The following ZNF292 variants were observed in gnomAD, a reference collection of about 807,000 sequenced individuals.
The protein encoded by ZNF292 is zinc finger protein 292, also known as 16 zinc-finger domain protein.
A neutral mutation model predicts 217.9 loss-of-function variants in ZNF292; 26 were observed. The ratio of observed to expected loss-of-function variants is 0.12; its 90% CI spans 0.09 to 0.17. ZNF292 has a LOEUF of 0.17. Ranked by LOEUF, ZNF292 falls within the 10% of genes least tolerant of loss-of-function variation. The probability of loss-of-function intolerance (pLI) is 1.00; values close to 1 mark genes in which losing one functional copy is unlikely to be tolerated. For synonymous variants in ZNF292, 1,257 were observed against 1,124.1 expected, an observed-to-expected ratio of 1.12 and a Z score of -2.37; for missense variants, 2,904 against 3,175.2, an observed-to-expected ratio of 0.91 and a Z score of 2.05.
Position 87,243,469 on chromosome 6 carries a change from C to A in ZNF292, c.742-6C>A. On this transcript the variant is annotated splice_polypyrimidine_tract_variant and splice_region_variant and intron_variant, in intron 5 of 7. Coordinates refer to ENST00000369577, the MANE Select transcript of ZNF292 (RefSeq NM_015021.3). The stretch of plus-strand genomic sequence containing the variant: ...TGTGGCATATTTCTATTGGCTTTTT[C>A]TTTAGATTTCAGAAGTTGATTGCAA... 1 of 1,538,566 alleles carries A rather than the reference C, an allele frequency of 6.5e-7. No individual in the cohort carries two copies. Among genetic ancestry groups the A allele is most frequent in the Non-Finnish European group, 8.7e-7 (1 of 1,143,394 alleles).
At chr6:87,230,733 T>TAA (rs35005215) in intron 4 of ZNF292, among the ~76,000 whole-genome samples, 43 of 137,522 alleles carry the variant, frequency 3.1e-4, no homozygotes, top group African/African-American at 7.7e-4. Context: ...GACTCCGTCT[T>TAA]AAAAAAAAAA....
intron 6 of ZNF292, among the ~76,000 whole-genome samples, chr6:87,244,265 G>C (rs1206376546): frequency 1.3e-5 from 2 of 152,196 alleles, no homozygotes. Flanking sequence ...GCTTATAAAG[G>C]ATTTCTGAGC....
In ZNF292 at chr6:87,259,693, G is replaced by C. The variant is rs149892183; in HGVS notation, c.6064G>C (p.Ala2022Pro). 68 of 1,599,590 alleles carry C rather than the reference G, an allele frequency of 4.3e-5. No homozygotes were observed. In the East Asian group the frequency reaches 1.5e-3, roughly 36 times the overall value. The part of the protein sequence containing the change: ...TEENKKESQP[A>P]LELRAETQNT... ...GGAAAATAAAAAGGAATCTCAGCCT[G>C]CTTTAGAATTGAGAGCAGAGACCCA... The change falls in exon 8 of 8, where the codon GCT becomes CCT. Residue 2022 changes from alanine to proline, a missense_variant. Ala to Pro is a conservative substitution (Grantham distance 27). This residue lies in a region of ZNF292 where 261 missense variants were observed against 272.8 expected (regional missense o/e 0.96). Coordinates refer to ENST00000369577, the MANE Select transcript of ZNF292 (RefSeq NM_015021.3).
At chr6:87,177,974 G>C (rs1362205129) in intron 1 of ZNF292, among the ~76,000 whole-genome samples, 1 of 152,118 alleles carries the variant, frequency 6.6e-6, no homozygotes, top group Non-Finnish European at 1.5e-5. Flanking sequence ...TTTGTAGTCT[G>C]TTCTTATACT....
chr6:87,262,945 A>ATATGTTTAT lies in ZNF292; in HGVS notation c.*1144_*1145insTATGTTTAT, dbSNP rs1775675696. 3 of 152,034 alleles carry ATATGTTTAT rather than the reference A, an allele frequency of 2.0e-5. No homozygotes were observed. Among genetic ancestry groups the ATATGTTTAT allele is most frequent in the African/African-American group, 7.2e-5 (3 of 41,430 alleles). 9.4% of individuals were successfully genotyped at this position (152,034 alleles called of 1,614,324 possible). A position where few individuals can be genotyped will look rare whatever the true frequency, so the allele number is the denominator to read the frequency against. On this transcript the variant is annotated 3_prime_UTR_variant, in exon 8 of 8. Transcript: ENST00000369577. The stretch of plus-strand genomic sequence containing the variant: ...ACAAGAGTCCTTAACATTTATAATT[A>ATATGTTTAT]CATAGATAAAACACTTTCTATAAGG...
intron 1 of ZNF292, among the ~76,000 whole-genome samples, chr6:87,159,934 G>A (rs774437801): frequency 6.6e-6 from 1 of 152,166 alleles, no homozygotes; most frequent in Admixed American, 6.5e-5. Flanking sequence ...AGAATAACCA[G>A]AAGTAATTTC....
Position 87,259,539 on chromosome 6 carries a change from G to C in ZNF292, c.5910G>C (p.Leu1970Phe), listed in dbSNP as rs1416766758. Residue 1970 changes from leucine to phenylalanine, a missense_variant, in exon 8 of 8, where the codon TTG becomes TTC. By Grantham distance (22) the Leu-to-Phe change is conservative (BLOSUM62 0). Around this residue, in one of 15 missense-constraint regions of ZNF292, gnomAD observed 50 missense variants for 90.5 expected, o/e 0.55. Coordinates refer to ENST00000369577, the MANE Select transcript of ZNF292 (RefSeq NM_015021.3). ...RNSNLRAHCQ[L>F]VHHFTTEEMV... ...CTAACCTCCGGGCACACTGTCAGTT[G>C]GTGCATCATTTTACAACTGAAGAAA... 11 of 1,584,570 alleles carry C rather than the reference G, an allele frequency of 6.9e-6. No homozygotes were observed. The highest frequency in any genetic ancestry group is 9.4e-6 in the Non-Finnish European group (11 of 1,164,338).
chr6:87,185,458 G>A (rs902526929), intron 1 of ZNF292, among the ~76,000 whole-genome samples: 1 of 152,180 alleles, frequency 6.6e-6, no homozygotes, highest in Non-Finnish European at 1.5e-5. Flanking sequence ...TGTACCATTT[G>A]TATTCTAGAA....
At chr6:87,225,621 A>G (rs1773307775) in intron 4 of ZNF292, among the ~76,000 whole-genome samples, 1 of 152,074 alleles carries the variant, frequency 6.6e-6, no homozygotes. Context: ...AACAATCACA[A>G]CCCATCTTTT....
Position 87,261,298 on chromosome 6 carries a change from G to A in ZNF292, c.7669G>A (p.Glu2557Lys), listed in dbSNP as rs1445696904. ...AAAAGCTGAACCAGCATCAGCAGCT[G>A]AGTTAAGTAGCGTGCGTAAAGAAGA... ...VEKAEPASAA[E>K]LSSVRKEEET... Residue 2557 changes from glutamate to lysine, a missense_variant, in exon 8 of 8, where the codon GAG becomes AAG. Transcript: ENST00000369577. The A allele has an allele frequency of 6.2e-7, 1 of 1,613,348 alleles. No homozygotes were observed. The highest frequency in any genetic ancestry group is 1.7e-5 in the Admixed American group (1 of 59,918).
Position 87,260,023 on chromosome 6 carries a change from A to C in ZNF292, c.6394A>C (p.Ile2132Leu), listed in dbSNP as rs781472184. The change falls in exon 8 of 8, where the codon ATT becomes CTT. Residue 2132 changes from isoleucine to leucine, a missense_variant. Coordinates refer to ENST00000369577, the MANE Select transcript of ZNF292 (RefSeq NM_015021.3). ...FAAFTIQQNL[I>L]LHYQAVHKSD... The stretch of plus-strand genomic sequence containing the variant: ...TGCCTTTACGATACAGCAAAACTTG[A>C]TTCTCCATTACCAGGCTGTACACAA... 2 of 1,613,622 alleles carry C rather than the reference A, an allele frequency of 1.2e-6. No individual in the cohort carries two copies. The highest frequency in any genetic ancestry group is 2.2e-5 in the East Asian group (1 of 44,882).
intron 1 of ZNF292, among the ~76,000 whole-genome samples, chr6:87,160,970 A>AT (rs951688103): frequency 9.5e-4 from 141 of 148,000 alleles, no homozygotes; most frequent in African/African-American, 1.8e-3. Flanking sequence ...TATCTAGAAG[A>AT]TTTTTTTTTT....
chr6:87,168,618 C>A (rs958791591), intron 1 of ZNF292, among the ~76,000 whole-genome samples: 16 of 152,040 alleles, frequency 1.1e-4, no homozygotes, highest in African/African-American at 3.6e-4. Flanking sequence ...TACAGGTGCG[C>A]ACCTCTGTGC....
chr6:87,237,408 A>AT (rs1773957114), intron 5 of ZNF292, among the ~76,000 whole-genome samples: 1 of 151,982 alleles, frequency 6.6e-6, no homozygotes, highest in Admixed American at 6.6e-5. Context: ...TGCCTGGCTA[A>AT]TTTTTTGTAT....
intron 5 of ZNF292, among the ~76,000 whole-genome samples, chr6:87,241,158 C>T (rs1477456334): frequency 6.6e-6 from 1 of 152,134 alleles, no homozygotes; most frequent in Non-Finnish European, 1.5e-5. Flanking sequence ...GTGGCACGCA[C>T]CTGTAGTCTC....
chr6:87,215,197 T>TA (rs1772682793), intron 1 of ZNF292: 2 of 151,922 alleles, frequency 1.3e-5, no homozygotes, highest in East Asian at 3.9e-4. Context: ...TTATCTCCCA[T>TA]CTCTTATTCA....
chr6:87,169,416 C>A (rs1771025689), intron 1 of ZNF292, among the ~76,000 whole-genome samples: 1 of 151,924 alleles, frequency 6.6e-6, no homozygotes, highest in South Asian at 2.1e-4. Context: ...ATACTGAAGG[C>A]CCCCTGTAAT....
rs746174390 is a variant in ZNF292 at position 87,257,066 on chromosome 6, A to G, written c.3437A>G (p.Asn1146Ser). The change falls in exon 8 of 8, where the codon AAT (asparagine) becomes AGT (serine). Residue 1146 changes from asparagine to serine, a missense_variant. This residue lies in a region of ZNF292 where 687 missense variants were observed against 623.0 expected (regional missense o/e 1.10). Transcript: ENST00000369577. The part of the protein sequence containing the change: ...SKKGQKANNL[N>S]TPNNGKFVYF... Reference sequence around the variant, plus strand: ...AAAGGTCAGAAAGCTAACAACTTAAATACACCAAATAATGGAAAGTTTGTT... The same window carrying G: ...AAAGGTCAGAAAGCTAACAACTTAAGTACACCAAATAATGGAAAGTTTGTT... The G allele has an allele frequency of 5.6e-6, 9 of 1,613,918 alleles. No individual in the cohort carries two copies. Among genetic ancestry groups the G allele is most frequent in the South Asian group, 2.2e-5 (2 of 91,082 alleles).
chr6:87,247,733 A>G (rs1018039592), intron 7 of ZNF292, among the ~76,000 whole-genome samples: 1 of 152,234 alleles, frequency 6.6e-6, no homozygotes, highest in Non-Finnish European at 1.5e-5. Flanking sequence ...GCAAAGGAAT[A>G]ATAGGATTAC....
Sources: gnomAD v4.1 joint callset for allele counts (sites outside exome capture counted in the v4.1 genomes callset) on GRCh38, gnomAD v4.1.1 for gene constraint, gnomAD v4.1.1 regional missense constraint, MANE v1.5 for transcripts, NCBI Gene and HGNC (gene_info 2026-07-23, HGNC 2026-07-21) for gene names.